The following GSE1 variants were observed in gnomAD, a reference collection of about 807,000 sequenced individuals.
GSE1 encodes Gse1 coiled-coil protein.
In GSE1, 32 loss-of-function variants were observed where a neutral mutation model predicts 112.6. The observed-to-expected ratio is 0.28, with a 90% CI of 0.21 to 0.38. The LOEUF is 0.38. Ranked by LOEUF, GSE1 falls within the 10% of genes least tolerant of loss-of-function variation. GSE1 has a pLI of 1.00. For missense variants in GSE1, 2,348 were observed against 1,699.2 expected (o/e 1.38, Z -6.71); for synonymous variants, 1,115 against 735.6 (o/e 1.52, Z -8.35).
intron 1 of GSE1, among the ~76,000 whole-genome samples, chr16:85,561,899 C>G (rs1000657833): frequency 6.6e-6 from 1 of 152,204 alleles, no homozygotes; most frequent in African/African-American, 2.4e-5. Flanking sequence ...GGGGCTCAGG[C>G]CCACCTGGGT....
chr16:85,428,224 G>A (rs528837211), intron 2 of GSE1, among the ~76,000 whole-genome samples: 23 of 152,224 alleles, frequency 1.5e-4, no homozygotes, highest in Non-Finnish European at 2.9e-4. Flanking sequence ...CTGAGGGCCC[G>A]AGACAAGGTC....
chr16:85,668,716 G>A (rs961960896), intron 14 of GSE1, among the ~76,000 whole-genome samples: 14 of 152,224 alleles, frequency 9.2e-5, no homozygotes, highest in South Asian at 2.1e-4. Flanking sequence ...TGCTGATGTC[G>A]GCCTCAGCTT....
At chr16:85,641,633 G>A (rs1409703701) in intron 2 of GSE1, among the ~76,000 whole-genome samples, 1 of 152,266 alleles carries the variant, frequency 6.6e-6, no homozygotes, top group African/African-American at 2.4e-5. Context: ...GGTGACTCCA[G>A]AAGGTTTCCC....
chr16:85,568,189 G>C (rs1056608036), intron 1 of GSE1, among the ~76,000 whole-genome samples: 6 of 152,214 alleles, frequency 3.9e-5, no homozygotes, highest in African/African-American at 1.4e-4. Flanking sequence ...GCCTTGCCTT[G>C]AGGAAGGAAA....
chr16:85,471,023 C>T (rs181631738), intron 2 of GSE1, among the ~76,000 whole-genome samples: 30 of 152,350 alleles, frequency 2.0e-4, no homozygotes, highest in Non-Finnish European at 3.8e-4. Context: ...GCTGGGGGCT[C>T]CTACTGCCAC....
At chr16:85,507,414 C>T (rs1401399077) in intron 2 of GSE1, among the ~76,000 whole-genome samples, 1 of 152,224 alleles carries the variant, frequency 6.6e-6, no homozygotes, top group African/African-American at 2.4e-5. Context: ...GAGGGCAGCC[C>T]AGAAGGCTGG....
intron 1 of GSE1, among the ~76,000 whole-genome samples, chr16:85,630,173 C>A (rs1450855829): frequency 6.6e-6 from 1 of 152,188 alleles, no homozygotes; most frequent in Non-Finnish European, 1.5e-5. Flanking sequence ...AGCTGACCCC[C>A]CTCCACTGGA....
chr16:85,638,872 T>G (rs2050218967), intron 2 of GSE1, among the ~76,000 whole-genome samples: 1 of 151,844 alleles, frequency 6.6e-6, no homozygotes, highest in African/African-American at 2.4e-5. Flanking sequence ...CTTCCCCCCG[T>G]CAATGGCTCT....
chr16:85,238,674 G>T (rs757655271), intron 1 of GSE1, among the ~76,000 whole-genome samples: 2 of 152,202 alleles, frequency 1.3e-5, no homozygotes, highest in African/African-American at 4.8e-5. Flanking sequence ...GCGGCTTGCC[G>T]CAGGATCTCC....
intron 1 of GSE1, among the ~76,000 whole-genome samples, chr16:85,344,409 C>T (rs958216269): frequency 2.6e-5 from 4 of 152,216 alleles, no homozygotes; most frequent in Non-Finnish European, 4.4e-5. Flanking sequence ...GGCTGACTGC[C>T]CGAAGCTCCC....
intron 1 of GSE1, among the ~76,000 whole-genome samples, chr16:85,233,352 A>G (rs1904310251): frequency 6.6e-6 from 1 of 152,204 alleles, no homozygotes; most frequent in South Asian, 2.1e-4. Context: ...TGTCACCAAA[A>G]TCAAGGGTAC....
At chr16:85,304,963 GAC>G (rs2045637033) in intron 1 of GSE1, among the ~76,000 whole-genome samples, 1 of 152,184 alleles carries the variant, frequency 6.6e-6, no homozygotes, top group Admixed American at 6.5e-5. Flanking sequence ...CCCAGTGTGG[GAC>G]CCACTTCCAC....
intron 2 of GSE1, among the ~76,000 whole-genome samples, chr16:85,396,902 A>G (rs184687199): frequency 1.3e-4 from 18 of 142,374 alleles, no homozygotes; most frequent in South Asian, 2.1e-4. Context: ...AGAGCAACAA[A>G]GAGACAGCGT....
chr16:85,393,388 C>T (rs1302626585), intron 2 of GSE1, among the ~76,000 whole-genome samples: 1 of 152,224 alleles, frequency 6.6e-6, no homozygotes, highest in Non-Finnish European at 1.5e-5. Flanking sequence ...GCCCAAATGA[C>T]CTGGTGTCTG....
intron 2 of GSE1, among the ~76,000 whole-genome samples, chr16:85,502,932 G>T (rs1022855008): frequency 2.6e-5 from 4 of 152,204 alleles, no homozygotes; most frequent in Non-Finnish European, 5.9e-5. Context: ...GACAGAATGC[G>T]TGGCGGGAGG....
chr16:85,542,048 A>G (rs2044537831), intron 2 of GSE1, among the ~76,000 whole-genome samples: 1 of 152,200 alleles, frequency 6.6e-6, no homozygotes, highest in African/African-American at 2.4e-5. Context: ...GGGTTTTATT[A>G]GGGCAGGCCT....
intron 2 of GSE1, among the ~76,000 whole-genome samples, chr16:85,483,901 C>T (rs1378978319): frequency 1.3e-5 from 2 of 152,220 alleles, no homozygotes; most frequent in African/African-American, 2.4e-5. Context: ...CTGCCCGTCA[C>T]GGGTACAACT....
At chr16:85,558,980 C>T (rs573604607) in intron 1 of GSE1, among the ~76,000 whole-genome samples, 7 of 152,186 alleles carry the variant, frequency 4.6e-5, no homozygotes, top group Non-Finnish European at 8.8e-5. Flanking sequence ...GCCTCAGCCT[C>T]CCGAGTAGCT....
At chr16:85,464,863 G>A (rs1176505984) in intron 2 of GSE1, among the ~76,000 whole-genome samples, 1 of 152,230 alleles carries the variant, frequency 6.6e-6, no homozygotes, top group East Asian at 1.9e-4. Context: ...ACAGGGGCTG[G>A]TAGGGGCCCC....
Sources: gnomAD v4.1 joint callset for allele counts (sites outside exome capture counted in the v4.1 genomes callset) on GRCh38, gnomAD v4.1.1 for gene constraint, MANE v1.5 for transcripts, NCBI Gene and HGNC (gene_info 2026-07-23, HGNC 2026-07-21) for gene names.